Variants in JAKMIP2 observed in about 807,000 individuals in gnomAD.
The protein encoded by JAKMIP2 is janus kinase and microtubule-interacting protein 2.
Under a neutral mutation model 115.0 loss-of-function variants are expected in JAKMIP2, and 25 were observed. The ratio of observed to expected loss-of-function variants is 0.22; its 90% CI spans 0.16 to 0.30. The LOEUF (loss-of-function observed/expected upper bound fraction) is 0.30. Ranked by LOEUF, JAKMIP2 falls within the 10% of genes least tolerant of loss-of-function variation. JAKMIP2 has a pLI of 1.00. For synonymous variants in JAKMIP2, 334 were observed against 343.6 expected (o/e 0.97, Z 0.31); for missense variants, 642 against 957.6 (o/e 0.67, Z 4.35).
chr5:147,721,803 C>T (rs939337642), intron 1 of JAKMIP2, among the ~76,000 whole-genome samples: 9 of 152,258 alleles, frequency 5.9e-5, no homozygotes, highest in Admixed American at 3.9e-4. Context: ...CAGAAATCAC[C>T]GTCTTCTGCG....
intron 20 of JAKMIP2, among the ~76,000 whole-genome samples, chr5:147,605,905 G>C (rs1473175765): frequency 6.6e-6 from 1 of 152,018 alleles, no homozygotes; most frequent in Non-Finnish European, 1.5e-5. Flanking sequence ...ATCTCATTGT[G>C]GTTTTAATTT....
At chr5:147,670,543 C>T (rs184424444) in intron 2 of JAKMIP2, among the ~76,000 whole-genome samples, 284 of 151,942 alleles carry the variant, frequency 1.9e-3, no homozygotes, top group Non-Finnish European at 3.0e-3. Context: ...TGCATTTAGG[C>T]GATGGGATTG....
intron 3 of JAKMIP2, among the ~76,000 whole-genome samples, chr5:147,654,333 T>C (rs1758567182): frequency 6.6e-6 from 1 of 152,180 alleles, no homozygotes; most frequent in South Asian, 2.1e-4. Context: ...TGATGATTCT[T>C]CCTATCCATG....
At chr5:147,678,176 G>C (rs1434889118) in intron 1 of JAKMIP2, among the ~76,000 whole-genome samples, 1 of 152,048 alleles carries the variant, frequency 6.6e-6, no homozygotes. Context: ...GCTAATTTTT[G>C]TATTTTTAGT....
chr5:147,653,524 C>T (rs1758517479), intron 3 of JAKMIP2, among the ~76,000 whole-genome samples: 1 of 151,722 alleles, frequency 6.6e-6, no homozygotes, highest in African/African-American at 2.4e-5. Context: ...TGAGAAATGT[C>T]TGTTTATATA....
intron 1 of JAKMIP2, among the ~76,000 whole-genome samples, chr5:147,692,770 A>T (rs933524636): frequency 6.6e-6 from 1 of 152,184 alleles, no homozygotes; most frequent in Non-Finnish European, 1.5e-5. Flanking sequence ...AAAGCATAAT[A>T]AAGCTCGCTC....
chr5:147,715,120 A>G (rs996824342), intron 1 of JAKMIP2, among the ~76,000 whole-genome samples: 3 of 152,174 alleles, frequency 2.0e-5, no homozygotes, highest in African/African-American at 7.2e-5. Flanking sequence ...AGAGAAGAAT[A>G]TGTTACAATT....
chr5:147,688,475 ACTT>A lies in JAKMIP2; in HGVS notation c.-148-16524_-148-16522del, dbSNP rs554609746. On this transcript the variant is annotated intron_variant, in intron 1 of 21. Transcript: ENST00000616793. Reference sequence around the variant, plus strand: ...CTAGATCTAGGGTTGTGGTTGAAAAACTTCTTATGATGTTGCACTGGTTGCTTC... The same window carrying A: ...CTAGATCTAGGGTTGTGGTTGAAAAACTTATGATGTTGCACTGGTTGCTTC... 1.5e-3 allele frequency among the ~76,000 whole-genome samples: 221 copies of A among 152,266 alleles called. 1 individual carries two copies. Among genetic ancestry groups the A allele is most frequent in the Non-Finnish European group, 2.6e-3 (179 of 68,010 alleles).
intron 1 of JAKMIP2, among the ~76,000 whole-genome samples, chr5:147,689,182 G>A (rs1275444404): frequency 6.6e-6 from 1 of 152,154 alleles, no homozygotes; most frequent in Admixed American, 6.5e-5. Flanking sequence ...CAGGGAGCCG[G>A]GGAGGCTGGA....
chr5:147,624,964 C>G (rs1195343948), intron 16 of JAKMIP2, among the ~76,000 whole-genome samples: 1 of 150,852 alleles, frequency 6.6e-6, no homozygotes, highest in Admixed American at 6.6e-5. Context: ...CTACAAGGTA[C>G]TATTTATTTA....
rs1274695652 is a variant in JAKMIP2 at position 147,628,103 on chromosome 5, C to T, written c.1995+648G>A. Among the ~76,000 whole-genome samples the T allele has an allele frequency of 2.0e-5, 3 of 152,082 alleles. No individual in the cohort carries two copies. The East Asian group carries it at 5.8e-4, about 29-fold the overall frequency. On this transcript the variant is annotated intron_variant, in intron 16 of 21. Coordinates refer to ENST00000616793, the MANE Select transcript of JAKMIP2 (RefSeq NM_001270941.2). ...CAGGCATGATCATAGTACACTATAG[C>T]CCCAAATTCTTGGGCTCAAGTGAGC...
rs1029877494 is a variant in JAKMIP2, at chr5:147,645,062, G to A, written c.937-66C>T. 8 of 1,525,140 alleles carry A rather than the reference G, an allele frequency of 5.2e-6. No homozygotes were observed. The African/African-American group carries it at 1.1e-4, about 21-fold the overall frequency. The allele number at this position is 1,525,140 out of a possible 1,614,324, so 94.5% of individuals were successfully genotyped here. On this transcript the variant is annotated intron_variant, in intron 5 of 21. Coordinates refer to ENST00000616793, the MANE Select transcript of JAKMIP2 (RefSeq NM_001270941.2). The stretch of plus-strand genomic sequence containing the variant: ...GGACGTGGGGGCAGGGGAGTAAAGT[G>A]GTGGGAGTGAAAGCACCTCTGGAGA...
rs1385733653 is a variant in JAKMIP2, at chr5:147,650,433, G to A, written c.742C>T (p.Leu248Phe). The change falls in exon 4 of 22, where the codon CTC becomes TTC. Residue 248 changes from leucine to phenylalanine, a missense_variant. Physicochemically the swap from Leu to Phe is conservative, Grantham distance 22 (BLOSUM62 0). Around this residue, in one of 6 missense-constraint regions of JAKMIP2, gnomAD observed 439 missense variants for 570.9 expected, o/e 0.77. Transcript: ENST00000616793. ...QLQKEALDEQ[L>F]FLVKEAECNM... Reference sequence around the variant, plus strand: ...CACTCAGCCTCCTTGACCAGAAAGAGTTGTTCGTCCAAAGCCTCCTTCTGA... The same window carrying A: ...CACTCAGCCTCCTTGACCAGAAAGAATTGTTCGTCCAAAGCCTCCTTCTGA... The A allele has an allele frequency of 2.5e-6, 4 of 1,613,736 alleles. No homozygotes were observed. The highest frequency in any genetic ancestry group is 3.4e-6 in the Non-Finnish European group (4 of 1,179,810).
At chr5:147,767,806 C>T (rs966296792) in intron 1 of JAKMIP2, among the ~76,000 whole-genome samples, 2 of 152,096 alleles carry the variant, frequency 1.3e-5, no homozygotes, top group Admixed American at 6.6e-5. Context: ...TAATTTTCCT[C>T]GTAGGATTTA....
intron 2 of JAKMIP2, among the ~76,000 whole-genome samples, chr5:147,663,860 G>T (rs1300488690): frequency 6.6e-6 from 1 of 152,022 alleles, no homozygotes; most frequent in Non-Finnish European, 1.5e-5. Flanking sequence ...TCCCTTCCTG[G>T]AGGCCTCTTC....
chr5:147,736,562 T>G (rs960875404), intron 1 of JAKMIP2, among the ~76,000 whole-genome samples: 1 of 152,152 alleles, frequency 6.6e-6, no homozygotes, highest in South Asian at 2.1e-4. Flanking sequence ...ATTATCTATT[T>G]AGGGGGTATC....
intron 1 of JAKMIP2, among the ~76,000 whole-genome samples, chr5:147,760,266 T>C (rs530791632): frequency 6.6e-6 from 1 of 152,146 alleles, no homozygotes; most frequent in African/African-American, 2.4e-5. Context: ...CAGACTGGTG[T>C]TATCCTAGAG....
Position 147,766,145 on chromosome 5 carries a change from T to A in JAKMIP2, c.-149+16311A>T, listed in dbSNP as rs371981041. Among the ~76,000 whole-genome samples the A allele has an allele frequency of 1.1e-4, 16 of 152,240 alleles. 1 individual carries two copies. The highest frequency in any genetic ancestry group is 3.6e-4 in the African/African-American group (15 of 41,568). On this transcript the variant is annotated intron_variant, in intron 1 of 21. Coordinates refer to ENST00000616793, the MANE Select transcript of JAKMIP2 (RefSeq NM_001270941.2). ...CCCCCATCTTTTCTCCTTCTCCCTCTCGGCCTCACTTCCCTCAAAGAGACA... is the reference window on the plus strand; with the variant it reads ...CCCCCATCTTTTCTCCTTCTCCCTCACGGCCTCACTTCCCTCAAAGAGACA...
chr5:147,702,755 A>C (rs1752426243), intron 1 of JAKMIP2, among the ~76,000 whole-genome samples: 1 of 152,146 alleles, frequency 6.6e-6, no homozygotes, highest in Non-Finnish European at 1.5e-5. Flanking sequence ...GCAGCAAGAC[A>C]GAAGCTGATG....
Sources: allele counts gnomAD v4.1 joint callset (sites outside exome capture counted in the v4.1 genomes callset), GRCh38; gene constraint gnomAD v4.1.1; regional missense constraint gnomAD v4.1.1; transcripts MANE v1.5; gene names NCBI Gene and HGNC (gene_info 2026-07-23, HGNC 2026-07-21).